Variants in COL24A1 observed in about 807,000 individuals in gnomAD.
COL24A1 encodes collagen type XXIV alpha 1 chain, also known as collagen alpha-1(XXIV) chain.
COL24A1 carries 224 observed loss-of-function variants against 253.9 expected under a neutral mutation model. The ratio of observed to expected loss-of-function variants is 0.88; its 90% CI spans 0.79 to 0.99. The LOEUF (loss-of-function observed/expected upper bound fraction) is 0.99, where lower values mean the gene tolerates loss of function less well. COL24A1 is among the 50% of genes least tolerant of loss of function. COL24A1 has a pLI of 0.00. For synonymous variants in COL24A1, 685 were observed against 673.7 expected (o/e 1.02, Z -0.26); for missense variants, 2,131 against 2,068.5 (o/e 1.03, Z -0.59).
chr1:85,771,442 T>A (rs1667947736), intron 53 of COL24A1, among the ~76,000 whole-genome samples: 1 of 152,202 alleles, frequency 6.6e-6, no homozygotes, highest in African/African-American at 2.4e-5. Flanking sequence ...CATCCTTTTT[T>A]ATGGCTGCAT....
chr1:85,925,815 A>G (rs1687125489), intron 24 of COL24A1, among the ~76,000 whole-genome samples: 1 of 152,196 alleles, frequency 6.6e-6, no homozygotes, highest in Admixed American at 6.5e-5. Flanking sequence ...AAGCCAAAAT[A>G]GACAAATGGG....
intron 1 of COL24A1, among the ~76,000 whole-genome samples, chr1:86,146,852 T>C (rs1422340405): frequency 1.3e-5 from 2 of 152,150 alleles, no homozygotes; most frequent in African/African-American, 4.8e-5. Flanking sequence ...ATTGATAAGC[T>C]ATCTAAGCAA....
chr1:85,766,068 A>G (rs1667333104), intron 53 of COL24A1, among the ~76,000 whole-genome samples: 1 of 152,040 alleles, frequency 6.6e-6, no homozygotes, highest in Non-Finnish European at 1.5e-5. Flanking sequence ...TGTTTAGAAT[A>G]TATATATATG....
chr1:86,026,977 G>C (rs996566752), intron 14 of COL24A1, among the ~76,000 whole-genome samples: 1 of 152,134 alleles, frequency 6.6e-6, no homozygotes, highest in South Asian at 2.1e-4. Context: ...TAACAGACTG[G>C]TGGCATTTTG....
chr1:85,918,642 A>T (rs1686149903), intron 24 of COL24A1, among the ~76,000 whole-genome samples: 1 of 152,182 alleles, frequency 6.6e-6, no homozygotes, highest in East Asian at 1.9e-4. Context: ...CACACTTGGA[A>T]ATAATAGATG....
At chr1:86,042,970 C>T (rs1479612117) in intron 12 of COL24A1, among the ~76,000 whole-genome samples, 1 of 152,104 alleles carries the variant, frequency 6.6e-6, no homozygotes, top group Non-Finnish European at 1.5e-5. Flanking sequence ...GAAACTGACC[C>T]TGATCAATAG....
At chr1:86,021,921 T>G (rs1486653647) in intron 18 of COL24A1, among the ~76,000 whole-genome samples, 1 of 152,200 alleles carries the variant, frequency 6.6e-6, no homozygotes, top group Non-Finnish European at 1.5e-5. Context: ...TAAAATATTA[T>G]TTAAGGTGCT....
chr1:86,146,095 T>C (rs1205750500), intron 2 of COL24A1, 24 bp downstream of exon 2: 1 of 1,589,724 alleles, frequency 6.3e-7, no homozygotes, highest in South Asian at 1.1e-5. Context: ...AGTAAGCAAA[T>C]AAATTAAAAG....
intron 20 of COL24A1, among the ~76,000 whole-genome samples, chr1:85,983,391 T>C (rs1693428941): frequency 6.6e-6 from 1 of 151,950 alleles, no homozygotes; most frequent in African/African-American, 2.4e-5. Flanking sequence ...TACACACACA[T>C]ACAAATCCAC....
intron 10 of COL24A1, among the ~76,000 whole-genome samples, chr1:86,052,758 C>T (rs1700404701): frequency 6.6e-6 from 1 of 151,858 alleles, no homozygotes; most frequent in African/African-American, 2.4e-5. Flanking sequence ...ATTTTATGTT[C>T]TTTATTTTAA....
intron 5 of COL24A1, among the ~76,000 whole-genome samples, chr1:86,104,466 C>G (rs922133787): frequency 2.0e-5 from 3 of 152,200 alleles, no homozygotes; most frequent in Non-Finnish European, 2.9e-5. Context: ...TTTTTAAGTT[C>G]TCAGAGTTCT....
intron 19 of COL24A1, among the ~76,000 whole-genome samples, chr1:86,000,940 G>T (rs1250411025): frequency 1.3e-5 from 2 of 152,166 alleles, no homozygotes; most frequent in African/African-American, 4.8e-5. Context: ...GGATACATGG[G>T]ATTAGTGCTC....
chr1:85,834,703 T>C (rs1675800860), intron 43 of COL24A1, among the ~76,000 whole-genome samples: 1 of 152,228 alleles, frequency 6.6e-6, no homozygotes, highest in Non-Finnish European at 1.5e-5. Context: ...TGAGTTAATC[T>C]TGGCTATTTA....
At chr1:86,020,095 T>A (rs1389367005) in intron 18 of COL24A1, among the ~76,000 whole-genome samples, 2 of 128,786 alleles carry the variant, frequency 1.6e-5, no homozygotes, top group South Asian at 2.5e-4. Flanking sequence ...TGAGATGGAG[T>A]CTCACTCTGT....
At chr1:85,957,169 A>G (rs1050982405) in intron 24 of COL24A1, among the ~76,000 whole-genome samples, 10 of 152,190 alleles carry the variant, frequency 6.6e-5, no homozygotes, top group Admixed American at 3.9e-4. Flanking sequence ...CGAGGGGAAC[A>G]TCACACACCA....
intron 53 of COL24A1, among the ~76,000 whole-genome samples, chr1:85,766,368 C>CAAAAAAAAAAAAAAAAAAAACAAA: frequency 1.5e-5 from 1 of 66,294 alleles, no homozygotes; most frequent in Non-Finnish European, 2.6e-5. Context: ...GACTCTGTCT[C>CAAAAAAAAAAAAAAAAAAAACAAA]AAAAAAAAAA....
intron 20 of COL24A1, among the ~76,000 whole-genome samples, chr1:85,982,914 G>A (rs532105121): frequency 6.6e-6 from 1 of 152,058 alleles, no homozygotes; most frequent in South Asian, 2.1e-4. Flanking sequence ...TCCTGTTATA[G>A]TATATAGAAT....
intron 47 of COL24A1, among the ~76,000 whole-genome samples, chr1:85,802,368 T>A (rs1174400963): frequency 2.6e-5 from 4 of 152,148 alleles, no homozygotes; most frequent in Non-Finnish European, 4.4e-5. Flanking sequence ...GGTCTTTTTT[T>A]GATTCTTTAA....
intron 24 of COL24A1, among the ~76,000 whole-genome samples, chr1:85,933,114 A>G (rs538906447): frequency 4.0e-5 from 6 of 151,806 alleles, no homozygotes; most frequent in Middle Eastern, 3.4e-3. Context: ...AAGAAAGAAA[A>G]AAAAAAGAAT....
Sources: allele counts gnomAD v4.1 joint callset (sites outside exome capture counted in the v4.1 genomes callset), GRCh38; gene constraint gnomAD v4.1.1; transcripts MANE v1.5; gene names NCBI Gene and HGNC (gene_info 2026-07-23, HGNC 2026-07-21).